The following MECOM variants were observed in gnomAD, a reference collection of about 807,000 sequenced individuals.
The protein encoded by MECOM is MDS1 and EVI1 complex locus.
In MECOM, 13 loss-of-function variants were observed where a neutral mutation model predicts 116.3. That is an observed-to-expected ratio of 0.11 (90% confidence interval 0.07 to 0.18). The LOEUF (loss-of-function observed/expected upper bound fraction) is 0.18. Ranked by LOEUF, MECOM falls within the 10% of genes least tolerant of loss-of-function variation. MECOM has a pLI of 1.00. For synonymous variants in MECOM, 528 were observed against 535.2 expected, an observed-to-expected ratio of 0.99 and a Z score of 0.19; for missense variants, 1,299 against 1,509.0, an observed-to-expected ratio of 0.86 and a Z score of 2.31.
chr3:169,609,904 G>A (rs1442658490), intron 1 of MECOM, among the ~76,000 whole-genome samples: 1 of 152,086 alleles, frequency 6.6e-6, no homozygotes, highest in African/African-American at 2.4e-5. Context: ...CAGGGAGAAT[G>A]GACAACATAT....
chr3:169,543,642 A>G (rs1760370612), intron 1 of MECOM, among the ~76,000 whole-genome samples: 1 of 152,130 alleles, frequency 6.6e-6, no homozygotes, highest in Non-Finnish European at 1.5e-5. Context: ...TAAAATCAAA[A>G]CACAATTCTA....
intron 2 of MECOM, among the ~76,000 whole-genome samples, chr3:169,364,215 T>C (rs1051606643): frequency 2.0e-5 from 3 of 152,042 alleles, no homozygotes; most frequent in Admixed American, 6.6e-5. Flanking sequence ...AAAGTACAAA[T>C]AAAAATACCC....
intron 2 of MECOM, among the ~76,000 whole-genome samples, chr3:169,186,850 G>A (rs182798001): frequency 2.6e-4 from 39 of 152,104 alleles, no homozygotes; most frequent in African/African-American, 7.7e-4. Context: ...AGCTGCAGTC[G>A]TCTTTACGTA....
chr3:169,488,975 A>G (rs533280304), intron 1 of MECOM, among the ~76,000 whole-genome samples: 8 of 152,136 alleles, frequency 5.3e-5, no homozygotes, highest in South Asian at 2.1e-4. Context: ...AAACTAATAA[A>G]ACAGATGAAA....
intron 1 of MECOM, among the ~76,000 whole-genome samples, chr3:169,516,546 C>A (rs1274010230): frequency 6.6e-6 from 1 of 151,966 alleles, no homozygotes; most frequent in African/African-American, 2.4e-5. Context: ...TACTGTGTAA[C>A]CAAAGCCCTG....
intron 2 of MECOM, among the ~76,000 whole-genome samples, chr3:169,261,811 C>T (rs532021911): frequency 6.6e-5 from 10 of 152,270 alleles, no homozygotes; most frequent in Admixed American, 5.2e-4. Flanking sequence ...ATACAGTGCC[C>T]GTGGTCCTAA....
chr3:169,647,526 T>C (rs543603321), intron 1 of MECOM, among the ~76,000 whole-genome samples: 5 of 152,236 alleles, frequency 3.3e-5, no homozygotes, highest in South Asian at 2.1e-4. Flanking sequence ...AGTAATGCCC[T>C]CATGGAACAA....
intron 2 of MECOM, among the ~76,000 whole-genome samples, chr3:169,287,772 A>C (rs999390606): frequency 6.6e-6 from 1 of 152,198 alleles, no homozygotes; most frequent in African/African-American, 2.4e-5. Flanking sequence ...AGGAAGAGCA[A>C]GAACATATTA....
At chr3:169,469,415 A>G (rs978536767) in intron 1 of MECOM, among the ~76,000 whole-genome samples, 1 of 152,206 alleles carries the variant, frequency 6.6e-6, no homozygotes, top group African/African-American at 2.4e-5. Context: ...TTTATCAACC[A>G]AAAGTAAAAT....
chr3:169,523,516 C>G (rs974140556), intron 1 of MECOM, among the ~76,000 whole-genome samples: 1 of 151,512 alleles, frequency 6.6e-6, no homozygotes, highest in Non-Finnish European at 1.5e-5. Context: ...AAATTACATA[C>G]TGGGTTCTGT....
chr3:169,335,914 A>G (rs1329110385), intron 2 of MECOM, among the ~76,000 whole-genome samples: 1 of 152,156 alleles, frequency 6.6e-6, no homozygotes, highest in Non-Finnish European at 1.5e-5. Flanking sequence ...TTAGAAACAG[A>G]AAAATTAGTT....
intron 1 of MECOM, among the ~76,000 whole-genome samples, chr3:169,482,075 A>G (rs2108856104): frequency 6.6e-6 from 1 of 152,270 alleles, no homozygotes; most frequent in South Asian, 2.1e-4. Context: ...TCATGCATAG[A>G]TATCAAGTAC....
chr3:169,404,693 C>A (rs571027312), intron 1 of MECOM, among the ~76,000 whole-genome samples: 6 of 152,306 alleles, frequency 3.9e-5, no homozygotes, highest in Admixed American at 2.6e-4. Context: ...CCAGAGAGCG[C>A]CACGCAGAGA....
chr3:169,299,556 T>C (rs1219741910), intron 2 of MECOM, among the ~76,000 whole-genome samples: 2 of 152,122 alleles, frequency 1.3e-5, no homozygotes, highest in Non-Finnish European at 2.9e-5. Flanking sequence ...CAAAGTAAAG[T>C]TCACCCCAGT....
chr3:169,227,151 T>G (rs1202308090), intron 2 of MECOM, among the ~76,000 whole-genome samples: 1 of 152,142 alleles, frequency 6.6e-6, no homozygotes, highest in Non-Finnish European at 1.5e-5. Context: ...AGGCCCAGAT[T>G]GTACACAGTA....
chr3:169,461,273 G>C (rs768896140), intron 1 of MECOM, among the ~76,000 whole-genome samples: 2 of 152,040 alleles, frequency 1.3e-5, no homozygotes, highest in African/African-American at 4.8e-5. Context: ...TTGAAGCTGT[G>C]GTCTTATCTG....
At chr3:169,214,935 T>C (rs1751235617) in intron 2 of MECOM, among the ~76,000 whole-genome samples, 1 of 148,464 alleles carries the variant, frequency 6.7e-6, no homozygotes, top group African/African-American at 2.4e-5. Context: ...TATACACACA[T>C]ATATATAATG....
At chr3:169,480,378 AG>A (rs1365725273) in intron 1 of MECOM, among the ~76,000 whole-genome samples, 1 of 152,000 alleles carries the variant, frequency 6.6e-6, no homozygotes, top group Non-Finnish European at 1.5e-5. Context: ...AGGATTTACA[AG>A]GTGTATACAG....
chr3:169,583,927 A>C (rs1765428180), intron 1 of MECOM, among the ~76,000 whole-genome samples: 1 of 152,206 alleles, frequency 6.6e-6, no homozygotes, highest in Non-Finnish European at 1.5e-5. Flanking sequence ...AAAATCAATT[A>C]TTTGAGAAAT....
Sources: allele counts gnomAD v4.1 joint callset (sites outside exome capture counted in the v4.1 genomes callset), GRCh38; gene constraint gnomAD v4.1.1; transcripts MANE v1.5; gene names NCBI Gene and HGNC (gene_info 2026-07-23, HGNC 2026-07-21).